The following XRN1 variants were observed in gnomAD, a reference collection of about 807,000 sequenced individuals.
The protein encoded by XRN1 is strand-exchange protein 1 homolog.
A neutral mutation model predicts 222.3 loss-of-function variants in XRN1; 67 were observed. The ratio of observed to expected loss-of-function variants is 0.30; its 90% confidence interval spans 0.25 to 0.37. XRN1 has a LOEUF of 0.37. Ranked by LOEUF, XRN1 falls within the 10% of genes least tolerant of loss-of-function variation. XRN1 has a pLI of 1.00. For synonymous variants in XRN1, 643 were observed against 652.4 expected (o/e 0.99, Z 0.22); for missense variants, 1,707 against 2,000.2 (o/e 0.85, Z 2.80).
At chr3:142,410,614 C>T (rs1333752557) in intron 15 of XRN1, among the ~76,000 whole-genome samples, 1 of 149,952 alleles carries the variant, frequency 6.7e-6, no homozygotes, top group Admixed American at 6.7e-5. Flanking sequence ...CCTGCCTCAG[C>T]CTCCTGAGAA....
intron 21 of XRN1, among the ~76,000 whole-genome samples, 155 bp from the exon 22 acceptor site, chr3:142,383,568 T>C (rs992010292): frequency 2.6e-5 from 4 of 152,356 alleles, no homozygotes; most frequent in Middle Eastern, 3.4e-3. Flanking sequence ...ACTGGTTATA[T>C]GGCAGGCACC....
rs879570943 is a variant in XRN1, at chr3:142,447,406, A to G, written c.75+464T>C. 6.6e-6 allele frequency among the ~76,000 whole-genome samples: 1 copy of G among 152,094 alleles called. No homozygotes were observed. The highest frequency in any genetic ancestry group is 1.5e-5 in the Non-Finnish European group (1 of 68,012). The stretch of plus-strand genomic sequence containing the variant: ...GGGGGCCGGGTGGGCCGCGCTCTAG[A>G]TCAGGGAAAGTAAACAAGGTGACTG... On this transcript the variant is annotated intron_variant, in intron 1 of 40. Coordinates refer to ENST00000392981, the MANE Select transcript of XRN1 (RefSeq NM_001282857.2). This position sits in a 1 kb window ranked among gnomAD's most constrained non-coding sequence, Gnocchi z 4.2.
intron 18 of XRN1, among the ~76,000 whole-genome samples, chr3:142,402,639 A>C (rs541123787): frequency 1.3e-5 from 2 of 152,320 alleles, no homozygotes; most frequent in Non-Finnish European, 2.9e-5. Context: ...TTAGGGCATT[A>C]GGGCTTATAC....
chr3:142,423,730 A>C, intron 5 of XRN1, 88 bp from the exon 6 acceptor site: 3 of 960,260 alleles, frequency 3.1e-6, no homozygotes, highest in Non-Finnish European at 4.5e-6. Flanking sequence ...AATTCTATAC[A>C]AGGAAGAATA....
In XRN1 at chr3:142,380,011, G is replaced by T. The variant is rs543632935; in HGVS notation, c.2715+71C>A. 8.1e-5 allele frequency: 96 copies of T among 1,183,894 alleles called. No individual in the cohort carries two copies. The East Asian group carries it at 2.4e-3, about 29-fold the overall frequency. The allele number at this position is 1,183,894 out of a possible 1,614,324, so 73.3% of individuals were successfully genotyped here. ...AATATCTGAAATAAATTCAAAGGAGGTGGCAAAAATATCCTAATATTTTAA... is the reference window on the plus strand; with the variant it reads ...AATATCTGAAATAAATTCAAAGGAGTTGGCAAAAATATCCTAATATTTTAA... On this transcript the variant is annotated intron_variant, in intron 23 of 40. Transcript: ENST00000392981.
At chr3:142,424,702 G>A (rs2069177777) in intron 5 of XRN1, among the ~76,000 whole-genome samples, 1 of 152,122 alleles carries the variant, frequency 6.6e-6, no homozygotes, top group African/African-American at 2.4e-5. Context: ...TTTAGGATTT[G>A]CTTTAATAAT....
intron 22 of XRN1, among the ~76,000 whole-genome samples, chr3:142,382,854 C>T (rs953390908): frequency 7.2e-5 from 11 of 152,094 alleles, no homozygotes; most frequent in Admixed American, 5.9e-4. Context: ...AGAGTTCACA[C>T]TAATACTTCC....
intron 21 of XRN1, 99 bp from the exon 22 acceptor site, chr3:142,383,512 C>T (rs1343021174): frequency 2.0e-6 from 2 of 1,001,730 alleles, no homozygotes; most frequent in East Asian, 2.6e-5. Flanking sequence ...TTGCAAATGT[C>T]AATGTGAAGA....
In XRN1 at chr3:142,384,607, A is replaced by G. The variant is rs199537667; in HGVS notation, c.2418T>C (p.Tyr806=). The G allele has an allele frequency of 1.2e-6, 2 of 1,613,226 alleles. No homozygotes were observed. Among genetic ancestry groups the G allele is most frequent in the Admixed American group, 1.7e-5 (1 of 59,934 alleles). Residue 806 remains tyrosine, a synonymous_variant, in exon 21 of 41, where the codon TAT becomes TAC. Coordinates refer to ENST00000392981, the MANE Select transcript of XRN1 (RefSeq NM_001282857.2). ...VYAQLLTGRK[Y]QINQNGEVRL... is the part of the protein sequence containing the mutation. ...GAACTTCACCATTTTGATTTATTTG[A>G]TATTTACGACCTGTGAGTAACTGAG...
rs551894818 is a variant in XRN1 at position 142,433,449 on chromosome 3, C to T, written c.76-556G>A. On this transcript the variant is annotated intron_variant, in intron 1 of 40. Coordinates refer to ENST00000392981, the MANE Select transcript of XRN1 (RefSeq NM_001282857.2). The stretch of plus-strand genomic sequence containing the variant: ...AAACTGAAACCTGAAAAACAGATTT[C>T]TTGTTTGTGATATGTGGGTTAATAA... Among the ~76,000 whole-genome samples the T allele has an allele frequency of 6.6e-4, 101 of 152,204 alleles. 1 individual carries two copies. The highest frequency in any genetic ancestry group is 2.2e-3 in the Admixed American group (33 of 15,298).
chr3:142,392,593 C>T (rs7631518), intron 20 of XRN1, among the ~76,000 whole-genome samples: 19,364 of 150,918 alleles, frequency 0.13, 1,245 homozygotes, highest in African/African-American at 0.14. Flanking sequence ...TTTGTTCTTG[C>T]GATAGTTTAC....
At chr3:142,358,726 G>T (rs1283059098) in intron 30 of XRN1, among the ~76,000 whole-genome samples, 1 of 152,184 alleles carries the variant, frequency 6.6e-6, no homozygotes, top group Admixed American at 6.5e-5. Flanking sequence ...TGCTGTATGT[G>T]AAGAGTGTAG....
chr3:142,349,954 T>C (rs907179720), intron 32 of XRN1, among the ~76,000 whole-genome samples: 16 of 152,042 alleles, frequency 1.1e-4, no homozygotes, highest in Admixed American at 9.2e-4. Flanking sequence ...GGGTTATTTG[T>C]AGTGAGAGAA....
rs79856179 is a variant in XRN1, at chr3:142,442,985, G to A, written c.75+4885C>T. Among the ~76,000 whole-genome samples the A allele has an allele frequency of 1.5e-3, 227 of 152,140 alleles. 2 individuals are homozygous for A. The East Asian group carries it at 0.039, about 26-fold the overall frequency. ...CCTGACCTCGTGATCCACCCGCCTCGGCCTCCCAAAGTGCTGGGATTACAG... is the reference window on the plus strand; with the variant it reads ...CCTGACCTCGTGATCCACCCGCCTCAGCCTCCCAAAGTGCTGGGATTACAG... On this transcript the variant is annotated intron_variant, in intron 1 of 40. Transcript: ENST00000392981.
chr3:142,434,912 T>C (rs542746986), intron 1 of XRN1: 9 of 152,194 alleles, frequency 5.9e-5, no homozygotes, highest in African/African-American at 2.2e-4. Flanking sequence ...AATTTTACTG[T>C]AAGAAATGTA....
At chr3:142,391,168 G>A (rs929165945) in intron 20 of XRN1, among the ~76,000 whole-genome samples, 6 of 152,112 alleles carry the variant, frequency 3.9e-5, no homozygotes, top group Non-Finnish European at 8.8e-5. Context: ...AGCACATACT[G>A]TTGGAAAAAA....
At chr3:142,344,219 AAG>A (rs2066076798) in intron 33 of XRN1, among the ~76,000 whole-genome samples, 1 of 152,152 alleles carries the variant, frequency 6.6e-6, no homozygotes, top group Non-Finnish European at 1.5e-5. Flanking sequence ...TTAAATAAAT[AAG>A]AGAACATAAT....
Position 142,311,808 on chromosome 3 carries a change from A to G in XRN1, c.4788T>C (p.Thr1596=), listed in dbSNP as rs1242247197. 1.9e-6 allele frequency: 3 copies of G among 1,586,248 alleles called. No individual in the cohort carries two copies. Among genetic ancestry groups the G allele is most frequent in the Admixed American group, 1.9e-5 (1 of 53,454 alleles). The stretch of plus-strand genomic sequence containing the variant: ...TCTTTTTGTTTGCAACCCTTTTTTT[A>G]GTAACCTGTTAGGAATAAAAGCATC... ...VHNQFIPLQV[T]KKRVANKKNF... is the part of the protein sequence containing the mutation. Residue 1596 remains threonine (T), a synonymous_variant, in exon 41 of 41, where the codon ACT becomes ACC. Transcript: ENST00000392981.
At chr3:142,375,655 A>G in intron 25 of XRN1, 143 bp downstream of exon 25, 3 of 743,014 alleles carry the variant, frequency 4.0e-6, no homozygotes, top group Non-Finnish European at 6.0e-6. Flanking sequence ...ATATTCCATG[A>G]TGCAAAATTA....
Sources: gnomAD v4.1 joint callset for allele counts (sites outside exome capture counted in the v4.1 genomes callset) on GRCh38, gnomAD v4.1.1 for gene constraint, Gnocchi (gnomAD v3.1) non-coding constraint, MANE v1.5 for transcripts, NCBI Gene and HGNC (gene_info 2026-07-23, HGNC 2026-07-21) for gene names.